DLC1: variants seen among roughly 807,000 people sequenced by gnomAD.
The protein encoded by DLC1 is rho GTPase-activating protein 7.
DLC1 carries 54 observed loss-of-function variants against 140.3 expected under a neutral mutation model. That is an observed-to-expected ratio of 0.38 (90% CI 0.31 to 0.48). DLC1 has a LOEUF of 0.48. DLC1 is among the 20% of genes least tolerant of loss of function. The pLI, the probability that DLC1 is intolerant of heterozygous loss-of-function variation, is 0.96. For missense variants in DLC1, 2,536 were observed against 1,907.0 expected, an observed-to-expected ratio of 1.33 and a Z score of -6.14; for synonymous variants, 986 against 728.1, an observed-to-expected ratio of 1.35 and a Z score of -5.70.
intron 5 of DLC1, among the ~76,000 whole-genome samples, chr8:13,219,371 C>A (rs373793714): frequency 1.1e-4 from 12 of 112,890 alleles, no homozygotes; most frequent in African/African-American, 3.5e-4. Flanking sequence ...AATTCATATA[C>A]TTATATAATT....
intron 2 of DLC1, among the ~76,000 whole-genome samples, chr8:13,480,604 C>A (rs545351678): frequency 6.6e-6 from 1 of 152,048 alleles, no homozygotes; most frequent in African/African-American, 2.4e-5. Context: ...ATGCTAAAAT[C>A]GTAAAAATGC....
chr8:13,171,263 C>T (rs552508757), intron 5 of DLC1, among the ~76,000 whole-genome samples: 3 of 152,102 alleles, frequency 2.0e-5, no homozygotes, highest in Non-Finnish European at 4.4e-5. Flanking sequence ...ATGATGTATG[C>T]CATTTAGGCT....
chr8:13,413,846 A>G (rs1017166456), intron 2 of DLC1, among the ~76,000 whole-genome samples: 8 of 152,140 alleles, frequency 5.3e-5, no homozygotes, highest in Admixed American at 4.6e-4. Context: ...CCCTTTCTTT[A>G]TAAATTACGC....
intron 5 of DLC1, among the ~76,000 whole-genome samples, chr8:13,275,774 A>G (rs993237302): frequency 6.6e-6 from 1 of 152,172 alleles, no homozygotes; most frequent in East Asian, 1.9e-4. Context: ...AGGAAATACC[A>G]GCAGGCTTTC....
chr8:13,281,559 C>T (rs1290206499), intron 5 of DLC1, among the ~76,000 whole-genome samples: 1 of 152,114 alleles, frequency 6.6e-6, no homozygotes, highest in African/African-American at 2.4e-5. Context: ...ATAATTTATA[C>T]ATAAATAAAT....
Position 13,132,810 on chromosome 8 carries a change from ACT to A in DLC1, c.1349-17155_1349-17154del, listed in dbSNP as rs1822225109. 5 of 1,120,708 alleles carry A rather than the reference ACT, an allele frequency of 4.5e-6. No individual in the cohort carries two copies. In the South Asian group the frequency reaches 5.3e-5, roughly 12 times the overall value. 69.4% of individuals were successfully genotyped at this position (1,120,708 alleles called of 1,614,324 possible). On this transcript the variant is annotated intron_variant, in intron 5 of 17. Transcript: ENST00000276297. The stretch of plus-strand genomic sequence containing the variant: ...ACACCACCTCCAAGAAAATCCGGAG[ACT>A]CTGCAGAAAGCGTTTAAAGAGCACA...
At chr8:13,200,624 A>G (rs1367591431) in intron 5 of DLC1, among the ~76,000 whole-genome samples, 1 of 151,990 alleles carries the variant, frequency 6.6e-6, no homozygotes, top group African/African-American at 2.4e-5. Flanking sequence ...TTTTTTAGAG[A>G]GGCAGAGTCT....
chr8:13,549,595 A>G lies in DLC1; in HGVS notation c.-125-49399T>C, dbSNP rs148510870. Among the ~76,000 whole-genome samples the G allele has an allele frequency of 1.7e-3, 261 of 152,290 alleles. 1 individual carries two copies. Among genetic ancestry groups the G allele is most frequent in the African/African-American group, 6.0e-3 (249 of 41,568 alleles). On this transcript the variant is annotated intron_variant, in intron 1 of 1. Transcript: ENST00000631382. ...GACACAACGAATCCAAAAAAAGCTGATACATTAAAGAGCAGAGGAATTAAA... is the reference window on the plus strand; with the variant it reads ...GACACAACGAATCCAAAAAAAGCTGGTACATTAAAGAGCAGAGGAATTAAA...
At chr8:13,455,951 T>C (rs1799365980) in intron 2 of DLC1, among the ~76,000 whole-genome samples, 1 of 152,212 alleles carries the variant, frequency 6.6e-6, no homozygotes, top group Admixed American at 6.6e-5. Context: ...CAAAGTTCAG[T>C]CTGAAAGCCC....
At chr8:13,515,169 T>A (rs184358549), upstream of DLC1, among the ~76,000 whole-genome samples, 75 of 152,334 alleles carry the variant, frequency 4.9e-4, no homozygotes, top group African/African-American at 1.7e-3. Context: ...ATTAAATGTA[T>A]ATGCACAGCT....
intron 4 of DLC1, among the ~76,000 whole-genome samples, chr8:13,319,811 C>A (rs1563250537): frequency 8.9e-6 from 1 of 111,962 alleles, no homozygotes; most frequent in African/African-American, 3.3e-5. Context: ...TTGTTTAATT[C>A]TCTCTCTCTC....
chr8:13,464,428 A>G (rs1373726642), intron 2 of DLC1, among the ~76,000 whole-genome samples: 2 of 152,226 alleles, frequency 1.3e-5, no homozygotes, highest in South Asian at 2.1e-4. Flanking sequence ...ACAGCAATAA[A>G]AAACTGCCTA....
At position 13,163,689 on chromosome 8, in the gene DLC1, A is replaced by T. The variant is rs186790195; in HGVS notation, c.1349-48032T>A. ...AGCCTAGGGAGAAGGAGCTAGCTAG[A>T]TCAAGATCTGGCCAGACGTGGTGGC... On this transcript the variant is annotated intron_variant, in intron 5 of 17. Coordinates refer to ENST00000276297, the MANE Select transcript of DLC1 (RefSeq NM_182643.3). Among the ~76,000 whole-genome samples the T allele has an allele frequency of 2.3e-3, 345 of 152,222 alleles. 2 individuals carry two copies. Among genetic ancestry groups the T allele is most frequent in the African/African-American group, 8.2e-3 (339 of 41,534 alleles).
chr8:13,536,419 A>G (rs1466091284), intron 1 of DLC1, among the ~76,000 whole-genome samples: 1 of 152,196 alleles, frequency 6.6e-6, no homozygotes, highest in Non-Finnish European at 1.5e-5. Flanking sequence ...TAGGTGAAAG[A>G]TGTGTATATT....
intron 4 of DLC1, among the ~76,000 whole-genome samples, chr8:13,326,310 G>A (rs745907984): frequency 6.6e-6 from 1 of 152,150 alleles, no homozygotes; most frequent in Non-Finnish European, 1.5e-5. Flanking sequence ...TTATGGAAGG[G>A]TTGCATTTAT....
At chr8:13,259,796 GT>G (rs367852891) in intron 5 of DLC1, among the ~76,000 whole-genome samples, 139 of 148,164 alleles carry the variant, frequency 9.4e-4, no homozygotes, top group Admixed American at 5.9e-3. Flanking sequence ...CAACAGATGG[GT>G]TTTTTTTTTT....
At chr8:13,263,430 G>C (rs1830547156) in intron 5 of DLC1, among the ~76,000 whole-genome samples, 1 of 151,850 alleles carries the variant, frequency 6.6e-6, no homozygotes, top group Admixed American at 6.6e-5. Context: ...ATTTTAGCTT[G>C]ATCTGTATAA....
At chr8:13,185,859 T>C (rs1212730499) in intron 5 of DLC1, among the ~76,000 whole-genome samples, 3 of 152,206 alleles carry the variant, frequency 2.0e-5, no homozygotes, top group Admixed American at 6.5e-5. Flanking sequence ...CAAAAATCTC[T>C]CAGCATTTGC....
intron 5 of DLC1, among the ~76,000 whole-genome samples, chr8:13,303,549 C>A (rs975844942): frequency 2.6e-5 from 4 of 152,168 alleles, no homozygotes; most frequent in African/African-American, 9.7e-5. Context: ...CACCTGTAAT[C>A]CCAGCACTTT....
Sources: allele counts gnomAD v4.1 joint callset (sites outside exome capture counted in the v4.1 genomes callset), GRCh38; gene constraint gnomAD v4.1.1; transcripts MANE v1.5; gene names NCBI Gene and HGNC (gene_info 2026-07-23, HGNC 2026-07-21).